The following NUP205 variants were observed in gnomAD, a reference collection of about 807,000 sequenced individuals.
NUP205 encodes the protein nuclear pore complex protein Nup205.
Under a neutral mutation model 253.8 loss-of-function variants are expected in NUP205, and 76 were observed. The observed-to-expected ratio is 0.30, with a 90% CI of 0.25 to 0.36. The LOEUF (loss-of-function observed/expected upper bound fraction) is 0.36. NUP205 is among the 10% of genes least tolerant of loss of function. The pLI is 1.00. For synonymous variants in NUP205, 832 were observed against 850.1 expected (o/e 0.98, Z 0.37); for missense variants, 2,162 against 2,425.5 (o/e 0.89, Z 2.28).
At chr7:135,637,830 G>C in intron 36 of NUP205, 101 bp from the exon 37 acceptor site, 1 of 1,086,080 alleles carries the variant, frequency 9.2e-7, no homozygotes, top group Non-Finnish European at 1.3e-6. Context: ...ATGCCTTAAG[G>C]ACTGATTCCA....
At chr7:135,605,683 T>C (rs1563125372) in intron 19 of NUP205, among the ~76,000 whole-genome samples, 1 of 152,196 alleles carries the variant, frequency 6.6e-6, no homozygotes, top group Non-Finnish European at 1.5e-5. Context: ...TTGTTATTAC[T>C]GATTTAACAT....
rs1445091573 is a variant in NUP205 at position 135,587,908 on chromosome 7, T to C, written c.1389T>C (p.Tyr463=). The change falls in exon 10 of 43, where the codon TAT becomes TAC. Residue 463 remains tyrosine, a synonymous_variant. Transcript: ENST00000285968. ...TTCATCTGGAGCTTGCTCTAGAATATTGGTGTCCCACAGAGCCTCTTCAGA... is the reference window on the plus strand; with the variant it reads ...TTCATCTGGAGCTTGCTCTAGAATACTGGTGTCCCACAGAGCCTCTTCAGA... ...NPFHLELALE[Y]WCPTEPLQTP... 1 of 1,614,012 alleles carries C rather than the reference T, an allele frequency of 6.2e-7. No individual in the cohort carries two copies.
chr7:135,564,526 G>A (rs1256243257), intron 1 of NUP205, among the ~76,000 whole-genome samples: 1 of 151,288 alleles, frequency 6.6e-6, no homozygotes, highest in Non-Finnish European at 1.5e-5. Flanking sequence ...TGGATTACAG[G>A]CATGAGTCAC....
intron 7 of NUP205, among the ~76,000 whole-genome samples, chr7:135,579,524 ATTCCTT>A (rs1806248129): frequency 6.6e-6 from 1 of 152,098 alleles, no homozygotes; most frequent in African/African-American, 2.4e-5. Flanking sequence ...AAAATATACT[ATTCCTT>A]TTATTTTTAT....
At position 135,622,842 on chromosome 7, in the gene NUP205, A is replaced by G. The variant is rs1422324930; in HGVS notation, c.4396A>G (p.Asn1466Asp). 1.2e-6 allele frequency: 2 copies of G among 1,614,028 alleles called. No individual in the cohort carries two copies. The highest frequency in any genetic ancestry group is 2.7e-5 in the African/African-American group (2 of 74,902). ...EDVFSKLQRE[N>D]IAIIESYGAA... The stretch of plus-strand genomic sequence containing the variant: ...TGTATTTAGCAAATTACAGCGAGAA[A>G]ACATAGCCATTATTGAAAGTTATGG... Residue 1466 changes from asparagine to aspartate, a missense_variant, in exon 31 of 43, where the codon AAC (asparagine) becomes GAC (aspartate). This residue lies in a region of NUP205 where 1,144 missense variants were observed against 1,280.9 expected (regional missense o/e 0.89). Transcript: ENST00000285968.
intron 1 of NUP205, among the ~76,000 whole-genome samples, chr7:135,569,826 A>G (rs1805893557): frequency 6.6e-6 from 1 of 151,962 alleles, no homozygotes; most frequent in South Asian, 2.1e-4. Flanking sequence ...CTCAGCCCAA[A>G]GTACATTTTC....
Position 135,630,443 on chromosome 7 carries a change from G to T in NUP205, c.5032G>T (p.Gly1678Ter). The change falls in exon 35 of 43, where the codon GGA (glycine) becomes TGA (stop). Residue 1678 changes from glycine (G) to a stop codon, truncating the protein, a stop_gained. Coordinates refer to ENST00000285968, the MANE Select transcript of NUP205 (RefSeq NM_015135.3). LOFTEE classifies it high-confidence loss of function. ...GSLQELALLT[G>*]IISKAALPGI... ...TTTGCAGGAATTGGCTCTGCTGACA[G>T]GAATTATAAGTAAAGCAGCACTTCC... 1 of 1,609,042 alleles carries T rather than the reference G, an allele frequency of 6.2e-7. No homozygotes were observed. Among genetic ancestry groups the T allele is most frequent in the Non-Finnish European group, 8.5e-7 (1 of 1,177,016 alleles).
chr7:135,593,247 T>G, intron 12 of NUP205, 55 bp downstream of exon 12: 1 of 1,430,072 alleles, frequency 7.0e-7, no homozygotes, highest in Non-Finnish European at 9.8e-7. Flanking sequence ...AGTAGCATTT[T>G]AAGAGCCCCA....
At chr7:135,569,103 ACT>A (rs1448173702) in intron 1 of NUP205, among the ~76,000 whole-genome samples, 1 of 151,990 alleles carries the variant, frequency 6.6e-6, no homozygotes. Flanking sequence ...ATGGAGTCTC[ACT>A]CTGTTGCCAG....
chr7:135,644,954 T>G lies in NUP205; in HGVS notation c.5619T>G (p.Val1873=). 1.2e-6 allele frequency: 2 copies of G among 1,614,150 alleles called. No homozygotes were observed. Among genetic ancestry groups the G allele is most frequent in the Non-Finnish European group, 1.7e-6 (2 of 1,179,998 alleles). The change falls in exon 40 of 43, where the codon GTT becomes GTG. Residue 1873 remains valine, a synonymous_variant. Transcript: ENST00000285968. ...VDKISTAQKY[V]LARRRLVKVI... ...AAATCTCCACTGCTCAGAAATATGT[T>G]CTAGCAAGACGGCGCTTGGTGAAGG... is the stretch of plus-strand genomic sequence containing the variant.
intron 14 of NUP205, chr7:135,597,719 C>A: frequency 2.2e-6 from 1 of 447,036 alleles, no homozygotes; most frequent in Non-Finnish European, 3.9e-6. Flanking sequence ...TAATTATTTT[C>A]TTTTCTCTCT....
chr7:135,588,403 C>T (rs1165558521), intron 10 of NUP205, among the ~76,000 whole-genome samples: 4 of 150,932 alleles, frequency 2.7e-5, no homozygotes, highest in Admixed American at 6.6e-5. Context: ...GCCCTCCCAA[C>T]GTGCTGGATT....
chr7:135,643,953 G>A (rs1039552413), intron 39 of NUP205, among the ~76,000 whole-genome samples: 2 of 152,216 alleles, frequency 1.3e-5, no homozygotes, highest in Non-Finnish European at 2.9e-5. Context: ...CAGCCTGAAT[G>A]TTGAGCCACT....
At chr7:135,558,202 C>T in intron 1 of NUP205, 1 of 579,218 alleles carries the variant, frequency 1.7e-6, no homozygotes, top group South Asian at 1.9e-5. Context: ...GAGGCTTGGG[C>T]CGCTGGACCC....
At chr7:135,596,661 G>A (rs576024482) in intron 13 of NUP205, among the ~76,000 whole-genome samples, 11 of 151,858 alleles carry the variant, frequency 7.2e-5, no homozygotes, top group Non-Finnish European at 1.3e-4. Flanking sequence ...CTGTTCTTAA[G>A]TTTACTGGCT....
chr7:135,642,575 A>G (rs1794933865), intron 38 of NUP205, among the ~76,000 whole-genome samples: 1 of 152,238 alleles, frequency 6.6e-6, no homozygotes, highest in South Asian at 2.1e-4. Flanking sequence ...GCCAGTAGCC[A>G]GGTAAAAGGC....
At chr7:135,566,616 C>T (rs1309293621) in intron 1 of NUP205, among the ~76,000 whole-genome samples, 1 of 152,174 alleles carries the variant, frequency 6.6e-6, no homozygotes, top group African/African-American at 2.4e-5. Flanking sequence ...AAAGACCTGA[C>T]GCTTTGCATC....
intron 19 of NUP205, among the ~76,000 whole-genome samples, chr7:135,604,788 C>T (rs536168243): frequency 3.5e-4 from 53 of 152,154 alleles, no homozygotes; most frequent in Non-Finnish European, 7.2e-4. Context: ...CTGTCAGTTG[C>T]CTGTGTTCTA....
intron 3 of NUP205, among the ~76,000 whole-genome samples, chr7:135,575,965 G>GT (rs1183464403): frequency 6.6e-6 from 1 of 152,224 alleles, no homozygotes; most frequent in East Asian, 1.9e-4. Context: ...GTGGACAACA[G>GT]TGAGACCAAA....
Sources: gnomAD v4.1 joint callset for allele counts (sites outside exome capture counted in the v4.1 genomes callset) on GRCh38, gnomAD v4.1.1 for gene constraint, gnomAD v4.1.1 regional missense constraint, MANE v1.5 for transcripts, NCBI Gene and HGNC (gene_info 2026-07-23, HGNC 2026-07-21) for gene names.